MSH3: variants seen among roughly 807,000 people sequenced by gnomAD.
MSH3 encodes the protein DNA mismatch repair protein Msh3.
A neutral mutation model predicts 123.3 loss-of-function variants in MSH3; 106 were observed. The ratio of observed to expected loss-of-function variants is 0.86; its 90% CI spans 0.73 to 1.01. The LOEUF (loss-of-function observed/expected upper bound fraction) is 1.01. MSH3 is among the 50% of genes least tolerant of loss of function. MSH3 has a pLI of 0.00. For missense variants in MSH3, 1,459 were observed against 1,347.6 expected (o/e 1.08, Z -1.29); for synonymous variants, 515 against 481.4 (o/e 1.07, Z -0.91).
chr5:80,677,321 A>G (rs1252783204), intron 7 of MSH3, among the ~76,000 whole-genome samples: 1 of 152,044 alleles, frequency 6.6e-6, no homozygotes, highest in African/African-American at 2.4e-5. Context: ...ATACACACTG[A>G]TTTTAGGTTT....
chr5:80,746,218 TCATAC>T (rs1743717194), intron 12 of MSH3: 1 of 248,988 alleles, frequency 4.0e-6, no homozygotes, highest in African/African-American at 2.3e-5. Context: ...AATATTCTGC[TCATAC>T]GATTGATTTG....
At chr5:80,729,013 A>G in intron 10 of MSH3, 48 bp downstream of exon 10, 1 of 1,078,084 alleles carries the variant, frequency 9.3e-7, no homozygotes, top group Non-Finnish European at 1.4e-6. Flanking sequence ...TATATTATGA[A>G]CATTTCTTAA....
chr5:80,689,604 CAAAT>C (rs981257712), intron 8 of MSH3, among the ~76,000 whole-genome samples: 32 of 151,034 alleles, frequency 2.1e-4, no homozygotes, highest in Non-Finnish European at 5.9e-5. Flanking sequence ...ATGTATGAAA[CAAAT>C]AAAATATAAA....
intron 17 of MSH3, among the ~76,000 whole-genome samples, chr5:80,784,174 C>A (rs1260418382): frequency 2.3e-5 from 3 of 128,278 alleles, no homozygotes; most frequent in Non-Finnish European, 4.7e-5. Context: ...CATGCCACTA[C>A]ACTCCAGCCT....
chr5:80,654,987 C>T lies in MSH3; in HGVS notation c.237+23C>T, dbSNP rs1026822283. ...ATAGTAGGTTCTGTCTGGGACTGGG[C>T]AGGGCCATCGGGGCTGGGGGGGCGG... On this transcript the variant is annotated intron_variant, in intron 1 of 23. Transcript: ENST00000265081. 6 of 1,384,106 alleles carry T rather than the reference C, an allele frequency of 4.3e-6. No individual in the cohort carries two copies. The African/African-American group carries it at 6.3e-5, about 14-fold the overall frequency. 85.7% of individuals were successfully genotyped at this position (1,384,106 alleles called of 1,614,324 possible). A position where few individuals can be genotyped will look rare whatever the true frequency, so the allele number is the denominator to read the frequency against.
At chr5:80,851,359 T>TA (rs1292662752) in intron 20 of MSH3, among the ~76,000 whole-genome samples, 7 of 152,186 alleles carry the variant, frequency 4.6e-5, no homozygotes, top group Non-Finnish European at 7.4e-5. Flanking sequence ...ATGTTCTTTT[T>TA]AATCTCTGCT....
chr5:80,723,420 C>A (rs1032924882), intron 8 of MSH3, among the ~76,000 whole-genome samples: 2 of 152,170 alleles, frequency 1.3e-5, no homozygotes, highest in African/African-American at 4.8e-5. Flanking sequence ...ATGCTAATTG[C>A]TGCTTTGATC....
rs186003137 is a variant in MSH3 at position 80,867,340 on chromosome 5, A to T, written c.3130+2398A>T. ...CCTGGCATCATGTCCAGAATGTCCAAAGGAAGAAGAGACAAGCATTTCCTG... is the reference window on the plus strand; with the variant it reads ...CCTGGCATCATGTCCAGAATGTCCATAGGAAGAAGAGACAAGCATTTCCTG... On this transcript the variant is annotated intron_variant, in intron 22 of 23. Transcript: ENST00000265081. Among the ~76,000 whole-genome samples, 217 of 152,302 alleles carry T rather than the reference A, an allele frequency of 1.4e-3. 1 individual carries two copies. The highest frequency in any genetic ancestry group is 5.1e-3 in the African/African-American group (212 of 41,568).
intron 8 of MSH3, among the ~76,000 whole-genome samples, chr5:80,680,406 A>G (rs1259645459): frequency 6.6e-6 from 1 of 151,088 alleles, no homozygotes; most frequent in Non-Finnish European, 1.5e-5. Flanking sequence ...AAACTAATAT[A>G]TGTTCATTCA....
chr5:80,787,562 T>C lies in MSH3; in HGVS notation c.2436-3T>C, dbSNP rs374901174. On this transcript the variant is annotated splice_polypyrimidine_tract_variant and splice_region_variant and intron_variant, in intron 17 of 23. Coordinates refer to ENST00000265081, the MANE Select transcript of MSH3 (RefSeq NM_002439.5). ...CTTTTTGTTGTTGCTGCTGCTTCCGTAGGAAATTCAGTGAACATTATCACT... is the reference window on the plus strand; with the variant it reads ...CTTTTTGTTGTTGCTGCTGCTTCCGCAGGAAATTCAGTGAACATTATCACT... 5.6e-6 allele frequency: 9 copies of C among 1,608,432 alleles called. No homozygotes were observed. The highest frequency in any genetic ancestry group is 6.8e-6 in the Non-Finnish European group (8 of 1,174,946).
Position 80,833,590 on chromosome 5 carries a change from GT to G in MSH3, c.2813+19850del, listed in dbSNP as rs543608273. Reference sequence around the variant, plus strand: ...CCTGAGTAGCTGGGACTACAGGAGCGTGCCACCACACCCAGCTAATTTTTGT... The same window carrying G: ...CCTGAGTAGCTGGGACTACAGGAGCGGCCACCACACCCAGCTAATTTTTGT... On this transcript the variant is annotated intron_variant, in intron 20 of 23. Coordinates refer to ENST00000265081, the MANE Select transcript of MSH3 (RefSeq NM_002439.5). Among the ~76,000 whole-genome samples, 483 of 152,214 alleles carry G rather than the reference GT, an allele frequency of 3.2e-3. 1 individual carries two copies. The highest frequency in any genetic ancestry group is 0.011 in the African/African-American group (459 of 41,538).
chr5:80,716,921 A>T (rs1469399075), intron 8 of MSH3, among the ~76,000 whole-genome samples: 1 of 152,076 alleles, frequency 6.6e-6, no homozygotes, highest in Non-Finnish European at 1.5e-5. Flanking sequence ...TATGAGATCA[A>T]CTTTTTTAGC....
intron 19 of MSH3, among the ~76,000 whole-genome samples, chr5:80,805,400 C>T (rs190404478): frequency 2.6e-5 from 4 of 152,176 alleles, no homozygotes. Context: ...CTAAATTTCC[C>T]CTAATGCACA....
chr5:80,666,129 A>G lies in MSH3; in HGVS notation c.579+766A>G, dbSNP rs191313297. Among the ~76,000 whole-genome samples, 9 of 152,306 alleles carry G rather than the reference A, an allele frequency of 5.9e-5. No individual in the cohort carries two copies. The East Asian group carries it at 1.5e-3, about 26-fold the overall frequency. On this transcript the variant is annotated intron_variant, in intron 3 of 23. Transcript: ENST00000265081. ...GGCTAGAGTACAGTTGTGCGATTATAGTTCACTGTAGTCTCAAACTTCTGG... is the reference window on the plus strand; with the variant it reads ...GGCTAGAGTACAGTTGTGCGATTATGGTTCACTGTAGTCTCAAACTTCTGG...
At chr5:80,697,683 G>A (rs844369) in intron 8 of MSH3, among the ~76,000 whole-genome samples, 37,669 of 152,008 alleles carry the variant, frequency 0.25, 4,761 homozygotes, top group Middle Eastern at 0.32. Context: ...GCTAAATCTA[G>A]TATAAGTGGG....
chr5:80,814,294 G>A (rs915992686), intron 20 of MSH3, among the ~76,000 whole-genome samples: 1 of 151,930 alleles, frequency 6.6e-6, no homozygotes, highest in Non-Finnish European at 1.5e-5. Flanking sequence ...TATTTGAGAT[G>A]GAGTTTTGCT....
In MSH3 at chr5:80,813,704, G is replaced by A. The variant is rs760629540; in HGVS notation, c.2776G>A (p.Glu926Lys). The A allele has an allele frequency of 3.7e-6, 6 of 1,614,072 alleles. No homozygotes were observed. The highest frequency in any genetic ancestry group is 1.3e-5 in the African/African-American group (1 of 74,926). ...GATTGGCTCCTATGTTCCTGCAGAA[G>A]AAGCGACAATTGGGATTGTGGATGG... The part of the protein sequence containing the change: ...AQIGSYVPAE[E>K]ATIGIVDGIF... Residue 926 changes from glutamate (E) to lysine (K), a missense_variant, in exon 20 of 24, where the codon GAA becomes AAA. Transcript: ENST00000265081.
At chr5:80,691,970 T>TAG (rs2112829231) in intron 8 of MSH3, among the ~76,000 whole-genome samples, 7 of 82,120 alleles carry the variant, frequency 8.5e-5, no homozygotes, top group Admixed American at 2.5e-4. Flanking sequence ...TGTATATGTT[T>TAG]ATATAGATAA....
chr5:80,688,860 T>C (rs1750159305), intron 8 of MSH3, among the ~76,000 whole-genome samples: 1 of 152,206 alleles, frequency 6.6e-6, no homozygotes, highest in Non-Finnish European at 1.5e-5. Flanking sequence ...TACTTGATGG[T>C]ACCAATTTCG....
Sources: gnomAD v4.1 joint callset for allele counts (sites outside exome capture counted in the v4.1 genomes callset) on GRCh38, gnomAD v4.1.1 for gene constraint, MANE v1.5 for transcripts, NCBI Gene and HGNC (gene_info 2026-07-23, HGNC 2026-07-21) for gene names.